The following PPFIBP2 variants were observed in gnomAD, a reference collection of about 807,000 sequenced individuals.
The protein encoded by PPFIBP2 is PPFIB scaffold protein 2.
Under a neutral mutation model 118.3 loss-of-function variants are expected in PPFIBP2, and 118 were observed. The ratio of observed to expected loss-of-function variants is 1.00; its 90% CI spans 0.86 to 1.16. The LOEUF (loss-of-function observed/expected upper bound fraction) is 1.16, where lower values mean the gene tolerates loss of function less well. Among genes scored for constraint, PPFIBP2 ranks in the 50% most tolerant of loss-of-function variants. The pLI is 0.00. For missense variants in PPFIBP2, 1,195 were observed against 1,073.1 expected, an observed-to-expected ratio of 1.11 and a Z score of -1.59; for synonymous variants, 414 against 397.4, an observed-to-expected ratio of 1.04 and a Z score of -0.50.
intron 14 of PPFIBP2, among the ~76,000 whole-genome samples, chr11:7,638,475 A>G (rs924310945): frequency 3.9e-5 from 6 of 152,216 alleles, no homozygotes; most frequent in Admixed American, 6.5e-5. Context: ...TCAATGTTCA[A>G]TGAATGAACT....
At chr11:7,640,304 A>G (rs908984727) in intron 15 of PPFIBP2, among the ~76,000 whole-genome samples, 6 of 151,816 alleles carry the variant, frequency 4.0e-5, no homozygotes, top group African/African-American at 1.2e-4. Context: ...CAGCTTCCCT[A>G]TTCCCCGTAG....
chr11:7,643,968 C>T (rs1378834494), intron 17 of PPFIBP2, among the ~76,000 whole-genome samples: 2 of 152,162 alleles, frequency 1.3e-5, no homozygotes, highest in African/African-American at 4.8e-5. Flanking sequence ...GCCTATTACA[C>T]CCACATCCTT....
chr11:7,572,426 C>G (rs1374743541), intron 3 of PPFIBP2, among the ~76,000 whole-genome samples: 4 of 152,206 alleles, frequency 2.6e-5, no homozygotes, highest in Non-Finnish European at 5.9e-5. Flanking sequence ...CAATCCGGCT[C>G]CTTTCAGACC....
chr11:7,667,083 A>T, the PPFIBP2 span: 1 of 152,416 alleles, frequency 6.6e-6, no homozygotes, highest in Non-Finnish European at 1.5e-5. Context: ...AGATAACTGC[A>T]CAGAAGACCT....
the PPFIBP2 span, among the ~76,000 whole-genome samples, chr11:7,664,673 G>A: frequency 2.0e-5 from 3 of 152,128 alleles, no homozygotes; most frequent in African/African-American, 7.2e-5. Flanking sequence ...AGCAAACCAA[G>A]AAGGGCCTTG....
chr11:7,585,261 C>G (rs1291896376), intron 3 of PPFIBP2, among the ~76,000 whole-genome samples: 3 of 152,202 alleles, frequency 2.0e-5, no homozygotes, highest in Non-Finnish European at 4.4e-5. Flanking sequence ...AAGGCAGATG[C>G]ATTTTGAGGA....
intron 2 of PPFIBP2, among the ~76,000 whole-genome samples, chr11:7,561,200 G>A (rs552184852): frequency 1.0e-3 from 159 of 152,246 alleles, no homozygotes; most frequent in African/African-American, 3.6e-3. Flanking sequence ...TAAGTAGCTG[G>A]GGTTACAGGG....
intron 3 of PPFIBP2, among the ~76,000 whole-genome samples, chr11:7,586,472 A>G (rs945535451): frequency 2.0e-5 from 3 of 152,240 alleles, no homozygotes; most frequent in Non-Finnish European, 4.4e-5. Context: ...TGTTTATATC[A>G]CACAGGAATT....
chr11:7,539,310 G>A (rs1851532964), intron 1 of PPFIBP2: 1 of 152,392 alleles, frequency 6.6e-6, no homozygotes, highest in Non-Finnish European at 1.5e-5. Flanking sequence ...CAATGGCCTT[G>A]TCCCTCATTG....
chr11:7,560,856 C>T (rs143929136), intron 2 of PPFIBP2, among the ~76,000 whole-genome samples: 1 of 152,172 alleles, frequency 6.6e-6, no homozygotes, highest in Non-Finnish European at 1.5e-5. Context: ...AATTGAATAT[C>T]ATTTTTAAAT....
intron 5 of PPFIBP2, among the ~76,000 whole-genome samples, chr11:7,602,579 G>A (rs1281854551): frequency 6.6e-6 from 1 of 152,168 alleles, no homozygotes; most frequent in East Asian, 1.9e-4. Flanking sequence ...GTCAAATGGA[G>A]CATTTTCCAG....
chr11:7,566,540 T>A (rs1320234302), intron 3 of PPFIBP2, among the ~76,000 whole-genome samples: 1 of 151,908 alleles, frequency 6.6e-6, no homozygotes, highest in Non-Finnish European at 1.5e-5. Flanking sequence ...AAAAAAAAAT[T>A]TTGTGTGTGT....
chr11:7,646,065 G>A (rs1453647450), intron 17 of PPFIBP2, among the ~76,000 whole-genome samples: 1 of 152,204 alleles, frequency 6.6e-6, no homozygotes. Context: ...CTAAGAGCAA[G>A]AGGTAAGGTT....
At chr11:7,655,389 A>G (rs1296787993), downstream of PPFIBP2, 3 of 1,263,780 alleles carry the variant, frequency 2.4e-6, no homozygotes, top group African/African-American at 3.1e-5. Flanking sequence ...CTGAATCACA[A>G]GCTGCATCCA....
At chr11:7,550,674 T>C (rs973570528) in intron 2 of PPFIBP2, among the ~76,000 whole-genome samples, 1 of 152,210 alleles carries the variant, frequency 6.6e-6, no homozygotes, top group African/African-American at 2.4e-5. Flanking sequence ...CTTGATTGAA[T>C]TGAAGGATGC....
chr11:7,576,578 A>G (rs911411725), intron 3 of PPFIBP2: 1 of 152,494 alleles, frequency 6.6e-6, no homozygotes, highest in Admixed American at 6.5e-5. Flanking sequence ...TCTCATGGAA[A>G]TGCACGTGAA....
intron 20 of PPFIBP2, 32 bp from the exon 21 acceptor site, chr11:7,649,500 T>C (rs1366627580): frequency 3.1e-6 from 5 of 1,613,678 alleles, no homozygotes; most frequent in Admixed American, 3.3e-5. Context: ...CTTTGGAAAC[T>C]CTGGTTTATA....
At chr11:7,533,822 G>A (rs1159262837) in intron 1 of PPFIBP2, among the ~76,000 whole-genome samples, 3 of 152,218 alleles carry the variant, frequency 2.0e-5, no homozygotes, top group East Asian at 1.9e-4. Flanking sequence ...GGACTATAGC[G>A]GGGAAGGTTA....
chr11:7,641,218 C>A, intron 15 of PPFIBP2: 2 of 806,576 alleles, frequency 2.5e-6, no homozygotes, highest in Non-Finnish European at 3.7e-6. Flanking sequence ...TTGGAATAAT[C>A]CACAAGTACT....
Sources: gnomAD v4.1 joint callset for allele counts (sites outside exome capture counted in the v4.1 genomes callset) on GRCh38, gnomAD v4.1.1 for gene constraint, MANE v1.5 for transcripts, NCBI Gene and HGNC (gene_info 2026-07-23, HGNC 2026-07-21) for gene names.